The following PMPCA variants were observed in gnomAD, a reference collection of about 807,000 sequenced individuals.
PMPCA encodes the protein mitochondrial-processing peptidase subunit alpha.
In PMPCA, 47 loss-of-function variants were observed where a neutral mutation model predicts 59.3. That is an observed-to-expected ratio of 0.79 (90% CI 0.63 to 1.01). PMPCA has a LOEUF of 1.01. Ranked by LOEUF, PMPCA falls within the 50% of genes least tolerant of loss-of-function variation. The probability of loss-of-function intolerance (pLI) is 0.00; values close to 1 mark genes in which losing one functional copy is unlikely to be tolerated. For missense variants in PMPCA, 726 were observed against 704.5 expected (o/e 1.03, Z -0.34); for synonymous variants, 338 against 290.3 (o/e 1.16, Z -1.67).
intron 12 of PMPCA, 200 bp from the exon 13 acceptor site, chr9:136,422,895 T>C: frequency 7.2e-7 from 1 of 1,388,850 alleles, no homozygotes; most frequent in African/African-American, 1.5e-5. Context: ...TGTCCCCATT[T>C]ACTGAGAACT....
intron 1 of PMPCA, chr9:136,410,980 G>T: frequency 2.6e-6 from 1 of 391,812 alleles, no homozygotes; most frequent in Admixed American, 4.5e-5. Context: ...CACTTCCCGG[G>T]TCGACGGGCC....
chr9:136,418,181 C>A, intron 8 of PMPCA, 72 bp downstream of exon 8: 1 of 1,097,798 alleles, frequency 9.1e-7, no homozygotes, highest in Admixed American at 1.7e-5. Context: ...TGCCCTCTGT[C>A]CCTGGCATCC....
chr9:136,412,157 G>A lies in PMPCA; in HGVS notation c.232G>A (p.Val78Met), dbSNP rs761345159. The A allele has an allele frequency of 2.5e-6, 4 of 1,613,944 alleles. No homozygotes were observed. Among genetic ancestry groups the A allele is most frequent in the Non-Finnish European group, 3.4e-6 (4 of 1,179,954 alleles). The change falls in exon 2 of 13, where the codon GTG becomes ATG. Residue 78 changes from valine (V) to methionine (M), a missense_variant. Val to Met is a conservative substitution (Grantham distance 21). Transcript: ENST00000371717. The stretch of plus-strand genomic sequence containing the variant: ...AACCACATTGGATAATGGGCTTCGC[G>A]TGGCATCTCAGAATAAGTTTGGACA... Reference protein sequence around the residue: ...KVTTLDNGLRVASQNKFGQFC... With the variant: ...KVTTLDNGLRMASQNKFGQFC...
rs1325528506 is a variant in PMPCA at position 136,417,177 on chromosome 9, A to G, written c.860A>G (p.Asp287Gly). Residue 287 changes from aspartate (D) to glycine (G), a missense_variant, in exon 7 of 13, where the codon GAC becomes GGC. Asp to Gly is a moderately conservative substitution (Grantham distance 94). Transcript: ENST00000371717. ...GGGAGCGCAGAGGCCGTGGATATTG[A>G]CAGATCTGTGGCCCAGTACACTGGG... is the stretch of plus-strand genomic sequence containing the variant. ...AWGSAEAVDI[D>G]RSVAQYTGGI... The G allele has an allele frequency of 1.9e-6, 3 of 1,605,376 alleles. No homozygotes were observed. Among genetic ancestry groups the G allele is most frequent in the African/African-American group, 1.3e-5 (1 of 74,906 alleles).
At chr9:136,418,169 C>CA in intron 8 of PMPCA, 60 bp downstream of exon 8, 2 of 1,220,890 alleles carry the variant, frequency 1.6e-6, no homozygotes, top group Non-Finnish European at 2.4e-6. Context: ...CTCAGCCAGC[C>CA]CTGCCCTCTG....
rs1835310335 is a variant in PMPCA, at chr9:136,417,302, G to A, written c.897+88G>A. ...ACCTGTTTTTGTATTGATTCTGAGG[G>A]TGATAGGTGTTGACTGCATGTGTAG... On this transcript the variant is annotated intron_variant, in intron 7 of 12. Coordinates refer to ENST00000371717, the MANE Select transcript of PMPCA (RefSeq NM_015160.3). 3 of 1,141,338 alleles carry A rather than the reference G, an allele frequency of 2.6e-6. No homozygotes were observed. In the South Asian group the frequency reaches 4.6e-5, roughly 18 times the overall value. 70.7% of individuals were successfully genotyped at this position (1,141,338 alleles called of 1,614,324 possible). A position where few individuals can be genotyped will look rare whatever the true frequency, so the allele number is the denominator to read the frequency against.
chr9:136,421,778 G>T, intron 11 of PMPCA, 54 bp from the exon 12 acceptor site: 2 of 1,498,272 alleles, frequency 1.3e-6, no homozygotes, highest in South Asian at 1.3e-5. Flanking sequence ...CGAGTGGGGG[G>T]TGGAAGGTGG....
intron 11 of PMPCA, chr9:136,419,322 C>A: frequency 1.6e-6 from 1 of 621,502 alleles, no homozygotes; most frequent in Admixed American, 2.7e-5. Context: ...GTCCAAACCC[C>A]GAAAACAGAA....
chr9:136,412,943 T>G (rs1835176531), intron 4 of PMPCA, 51 bp downstream of exon 4: 4 of 1,056,208 alleles, frequency 3.8e-6, no homozygotes, highest in Non-Finnish European at 5.9e-6. Context: ...GGAACTGACG[T>G]TCTTGTCGTT....
chr9:136,423,295 G>A lies in PMPCA; in HGVS notation c.*31G>A, dbSNP rs369190294. 16 of 1,592,328 alleles carry A rather than the reference G, an allele frequency of 1.0e-5. No homozygotes were observed. The highest frequency in any genetic ancestry group is 8.1e-5 in the African/African-American group (6 of 74,452). On this transcript the variant is annotated 3_prime_UTR_variant, in exon 13 of 13. Coordinates refer to ENST00000371717, the MANE Select transcript of PMPCA (RefSeq NM_015160.3). ...CTCCCCGGCCTGACAGACCCAGGGAGCTGCAGCTGGAGCCCGTTCCCGTGC... is the reference window on the plus strand; with the variant it reads ...CTCCCCGGCCTGACAGACCCAGGGAACTGCAGCTGGAGCCCGTTCCCGTGC...
intron 8 of PMPCA, 21 bp from the exon 9 acceptor site, chr9:136,418,534 C>T (rs1835349368): frequency 6.7e-7 from 1 of 1,488,452 alleles, no homozygotes; most frequent in South Asian, 1.1e-5. Flanking sequence ...GTTCAGCCAG[C>T]TCTGCCCTCC....
chr9:136,423,533 T>G lies in PMPCA; in HGVS notation c.*269T>G. On this transcript the variant is annotated 3_prime_UTR_variant, in exon 13 of 13. Coordinates refer to ENST00000371717, the MANE Select transcript of PMPCA (RefSeq NM_015160.3). Reference sequence around the variant, plus strand: ...GTGCCACGAGGAGGGCGGTCGGTGCTTCCCTCCTCGGGCTGTGGGCACATG... The same window carrying G: ...GTGCCACGAGGAGGGCGGTCGGTGCGTCCCTCCTCGGGCTGTGGGCACATG... The G allele has an allele frequency of 1.5e-5, 6 of 400,312 alleles. No individual in the cohort carries two copies. The highest frequency in any genetic ancestry group is 1.9e-5 in the Non-Finnish European group (4 of 215,366). The allele number at this position is 400,312 out of a possible 1,614,324, so 24.8% of individuals were successfully genotyped here. A position where few individuals can be genotyped will look rare whatever the true frequency, so the allele number is the denominator to read the frequency against.
rs1835365076 is a variant in PMPCA at position 136,418,920 on chromosome 9, TGAGG to T, written c.1200+4_1200+7del. On this transcript the variant is annotated splice_donor_5th_base_variant and intron_variant, in intron 10 of 12. Coordinates refer to ENST00000371717, the MANE Select transcript of PMPCA (RefSeq NM_015160.3). ...CATGCCAGCGCCGACCCAAGACAGG[TGAGG>T]GCCCCGCCTGCCACCGTCCTCAGTG... The T allele has an allele frequency of 1.4e-5, 23 of 1,613,020 alleles. No homozygotes were observed. The highest frequency in any genetic ancestry group is 1.8e-5 in the Non-Finnish European group (21 of 1,179,352).
Position 136,423,436 on chromosome 9 carries a change from C to G in PMPCA, c.*172C>G. Reference sequence around the variant, plus strand: ...TTCTTTTGGAACTCAATGTGCCGATCAGTGGAGTCAGTATCGAGCCTGACC... The same window carrying G: ...TTCTTTTGGAACTCAATGTGCCGATGAGTGGAGTCAGTATCGAGCCTGACC... On this transcript the variant is annotated 3_prime_UTR_variant, in exon 13 of 13. Coordinates refer to ENST00000371717, the MANE Select transcript of PMPCA (RefSeq NM_015160.3). 1.5e-6 allele frequency: 1 copy of G among 657,796 alleles called. No individual in the cohort carries two copies. Among genetic ancestry groups the G allele is most frequent in the Non-Finnish European group, 2.6e-6 (1 of 389,406 alleles). The allele number at this position is 657,796 out of a possible 1,614,324, so 40.7% of individuals were successfully genotyped here.
Position 136,412,171 on chromosome 9 carries a change from T to C in PMPCA, c.246T>C (p.Asn82=). 6.2e-7 allele frequency: 1 copy of C among 1,613,998 alleles called. No homozygotes were observed. The highest frequency in any genetic ancestry group is 8.5e-7 in the Non-Finnish European group (1 of 1,179,896). The change falls in exon 2 of 13, where the codon AAT becomes AAC. Residue 82 remains asparagine, a synonymous_variant. Transcript: ENST00000371717. ...LDNGLRVASQ[N]KFGQFCTVGI... ...ATGGGCTTCGCGTGGCATCTCAGAA[T>C]AAGTTTGGACAGTTTTGTACAGTAG...
At chr9:136,412,287 TTA>T in intron 2 of PMPCA, 88 bp downstream of exon 2, 1 of 1,008,246 alleles carries the variant, frequency 9.9e-7, no homozygotes, top group East Asian at 2.4e-5. Flanking sequence ...AGCATGCCAA[TTA>T]TGAATTGTAC....
At chr9:136,415,922 C>T (rs996160959) in intron 5 of PMPCA, 10 of 266,046 alleles carry the variant, frequency 3.8e-5, no homozygotes, top group South Asian at 1.8e-4. Context: ...CGTGAGCCAC[C>T]GCACCCAGCG....
At chr9:136,414,873 C>A (rs1010556073) in intron 5 of PMPCA, among the ~76,000 whole-genome samples, 2 of 152,176 alleles carry the variant, frequency 1.3e-5, no homozygotes, top group Non-Finnish European at 2.9e-5. Flanking sequence ...ATCGCTTGAG[C>A]CCAGGAGTTT....
chr9:136,415,258 A>G (rs998256938), intron 5 of PMPCA, among the ~76,000 whole-genome samples: 1 of 152,196 alleles, frequency 6.6e-6, no homozygotes, highest in African/African-American at 2.4e-5. Flanking sequence ...AGGAAAAAAA[A>G]CCCACTGGTG....
Sources: gnomAD v4.1 joint callset for allele counts (sites outside exome capture counted in the v4.1 genomes callset) on GRCh38, gnomAD v4.1.1 for gene constraint, MANE v1.5 for transcripts, NCBI Gene and HGNC (gene_info 2026-07-23, HGNC 2026-07-21) for gene names.